Variants in DNAH11 observed in about 807,000 individuals in gnomAD.
The protein encoded by DNAH11 is axonemal beta dynein heavy chain 11.
In DNAH11, 442 loss-of-function variants were observed where a neutral mutation model predicts 526.0. The ratio of observed to expected loss-of-function variants is 0.84; its 90% CI spans 0.78 to 0.91. The LOEUF is 0.91. Ranked by LOEUF, DNAH11 falls within the 40% of genes least tolerant of loss-of-function variation. DNAH11 has a pLI of 0.00. For missense variants in DNAH11, 6,989 were observed against 5,448.7 expected, an observed-to-expected ratio of 1.28 and a Z score of -8.90; for synonymous variants, 2,461 against 1,935.9, an observed-to-expected ratio of 1.27 and a Z score of -7.12.
chr7:21,681,096 C>T lies in DNAH11; in HGVS notation c.5329-450C>T, dbSNP rs1206850608. 3.3e-5 allele frequency among the ~76,000 whole-genome samples: 5 copies of T among 152,026 alleles called. No homozygotes were observed. The East Asian group carries it at 7.7e-4, about 23-fold the overall frequency. ...GGTAATAATATTGTGATTTCTACACCAAGGTTCTTTGAGGTCCAGCTGGGG... is the reference window on the plus strand; with the variant it reads ...GGTAATAATATTGTGATTTCTACACTAAGGTTCTTTGAGGTCCAGCTGGGG... On this transcript the variant is annotated intron_variant, in intron 30 of 81. Coordinates refer to ENST00000409508, the MANE Select transcript of DNAH11 (RefSeq NM_001277115.2).
At chr7:21,619,417 T>G (rs563456716) in intron 24 of DNAH11, among the ~76,000 whole-genome samples, 195 bp downstream of exon 24, 2 of 152,194 alleles carry the variant, frequency 1.3e-5, no homozygotes, top group Admixed American at 1.3e-4. Flanking sequence ...GGAGGATTGG[T>G]CTTGTTGATG....
intron 28 of DNAH11, among the ~76,000 whole-genome samples, chr7:21,649,945 G>A (rs1372055433): frequency 2.6e-5 from 4 of 152,096 alleles, no homozygotes; most frequent in South Asian, 2.1e-4. Context: ...GATTACACAC[G>A]TGAGCCCCCA....
Position 21,901,291 on chromosome 7 carries a change from C to T in DNAH11, c.*37C>T, listed in dbSNP as rs139903172. ...CATTCCTCTAGCCTCTGCTGGAGTG[C>T]AGTGAGGATTTTCTAGCATGTTGCT... On this transcript the variant is annotated 3_prime_UTR_variant, in exon 82 of 82. Transcript: ENST00000409508. 1.8e-5 allele frequency: 28 copies of T among 1,561,076 alleles called. No homozygotes were observed. In the African/African-American group the frequency reaches 1.9e-4, roughly 11 times the overall value.
At chr7:21,545,274 TA>T (rs10634177) in intron 2 of DNAH11, 125 bp downstream of exon 2, 7,815 of 129,736 alleles carry the variant, frequency 0.06, 7 homozygotes, top group Middle Eastern at 0.1. Flanking sequence ...TGGGGGTGGT[TA>T]AAAAAAAAAA....
intron 39 of DNAH11, among the ~76,000 whole-genome samples, chr7:21,705,875 A>G (rs1784243673): frequency 6.6e-6 from 1 of 152,172 alleles, no homozygotes; most frequent in African/African-American, 2.4e-5. Context: ...CAATACATTT[A>G]TGCTTGGATT....
At chr7:21,687,550 C>G (rs770566574) in intron 34 of DNAH11, 23 bp downstream of exon 34, 7 of 1,608,696 alleles carry the variant, frequency 4.4e-6, no homozygotes, top group Non-Finnish European at 5.9e-6. Flanking sequence ...CAGGCTATCT[C>G]TTGTTACAAA....
At chr7:21,842,448 C>T in intron 65 of DNAH11, 96 bp from the exon 66 acceptor site, 1 of 1,062,992 alleles carries the variant, frequency 9.4e-7, no homozygotes, top group Non-Finnish European at 1.3e-6. Context: ...AGCTTCTGGC[C>T]AAGGTCCATT....
At chr7:21,577,563 C>A (rs1235778865) in intron 8 of DNAH11, among the ~76,000 whole-genome samples, 2 of 152,138 alleles carry the variant, frequency 1.3e-5, no homozygotes. Flanking sequence ...GGTAACAAGG[C>A]CACCTGCACT....
At chr7:21,577,222 C>G (rs1784130704) in intron 8 of DNAH11, among the ~76,000 whole-genome samples, 2 of 152,180 alleles carry the variant, frequency 1.3e-5, no homozygotes, top group South Asian at 4.1e-4. Flanking sequence ...GAGCTTAACA[C>G]AAAAGAAGAT....
At chr7:21,736,918 G>A (rs542917979) in intron 46 of DNAH11, among the ~76,000 whole-genome samples, 3 of 152,108 alleles carry the variant, frequency 2.0e-5, no homozygotes, top group Non-Finnish European at 4.4e-5. Context: ...TTTTTCATTT[G>A]CAGATATGAA....
At chr7:21,627,304 T>C (rs1366557588) in intron 25 of DNAH11, among the ~76,000 whole-genome samples, 1 of 152,202 alleles carries the variant, frequency 6.6e-6, no homozygotes, top group Admixed American at 6.5e-5. Flanking sequence ...AGTTTTGTTT[T>C]TGTTGCCTGG....
chr7:21,736,794 G>T (rs1785631257), intron 46 of DNAH11, among the ~76,000 whole-genome samples: 1 of 152,138 alleles, frequency 6.6e-6, no homozygotes, highest in African/African-American at 2.4e-5. Flanking sequence ...TTTGAGTCCA[G>T]CCCGGGCAAT....
chr7:21,876,362 G>C (rs1470868364), intron 74 of DNAH11, among the ~76,000 whole-genome samples: 1 of 152,020 alleles, frequency 6.6e-6, no homozygotes, highest in Non-Finnish European at 1.5e-5. Flanking sequence ...TAAAATGTTA[G>C]AGTCTTTTAT....
At chr7:21,660,476 G>T (rs1436808191) in intron 30 of DNAH11, among the ~76,000 whole-genome samples, 1 of 149,842 alleles carries the variant, frequency 6.7e-6, no homozygotes, top group African/African-American at 2.5e-5. Context: ...AAGGTTAAAT[G>T]ATGTTTTATG....
intron 8 of DNAH11, 37 bp downstream of exon 8, chr7:21,572,010 C>G (rs756659462): frequency 1.4e-6 from 2 of 1,437,748 alleles, no homozygotes; most frequent in East Asian, 4.9e-5. Context: ...TGCATGGGAT[C>G]CTATAATTTT....
intron 54 of DNAH11, among the ~76,000 whole-genome samples, chr7:21,764,267 C>T (rs1356685786): frequency 8.9e-6 from 1 of 112,952 alleles, no homozygotes; most frequent in Non-Finnish European, 2.1e-5. Context: ...ATAAAATAAA[C>T]AATAAAACAC....
intron 4 of DNAH11, 108 bp from the exon 5 acceptor site, chr7:21,560,963 T>C (rs933719242): frequency 2.6e-6 from 2 of 761,844 alleles, no homozygotes; most frequent in Admixed American, 5.4e-5. Flanking sequence ...TGTTAAATAC[T>C]GTATCACTTG....
intron 65 of DNAH11, among the ~76,000 whole-genome samples, chr7:21,837,149 G>A (rs1782026215): frequency 6.6e-6 from 1 of 152,192 alleles, no homozygotes; most frequent in African/African-American, 2.4e-5. Flanking sequence ...TGGTGGAAAT[G>A]TAAATCGGTA....
intron 73 of DNAH11, among the ~76,000 whole-genome samples, chr7:21,870,956 A>G (rs191497420): frequency 7.2e-4 from 110 of 152,364 alleles, no homozygotes; most frequent in African/African-American, 2.6e-3. Flanking sequence ...TCAGCAGGAA[A>G]AAGAGAAGCA....
Sources: gnomAD v4.1 joint callset for allele counts (sites outside exome capture counted in the v4.1 genomes callset) on GRCh38, gnomAD v4.1.1 for gene constraint, MANE v1.5 for transcripts, NCBI Gene and HGNC (gene_info 2026-07-23, HGNC 2026-07-21) for gene names.